The following ZNF726 variants were observed in gnomAD, a reference collection of about 807,000 sequenced individuals.
The protein encoded by ZNF726 is zinc finger protein 726.
A neutral mutation model predicts 11.6 loss-of-function variants in ZNF726; 15 were observed. The ratio of observed to expected loss-of-function variants is 1.29; its 90% CI spans 0.86 to 1.99. The LOEUF is 1.99. Among genes scored for constraint, ZNF726 ranks in the 30% most tolerant of loss-of-function variants. The pLI, the probability that ZNF726 is intolerant of heterozygous loss-of-function variation, is 0.00. For synonymous variants in ZNF726, 295 were observed against 243.6 expected (o/e 1.21, Z -1.96); for missense variants, 890 against 725.6 (o/e 1.23, Z -2.60).
chr19:23,923,919 G>A (rs1035067071), intron 3 of ZNF726: 1 of 152,166 alleles, frequency 6.6e-6, no homozygotes, highest in African/African-American at 2.4e-5. Context: ...TTAAGTTAAT[G>A]TGGAGTTTAA....
chr19:23,936,044 G>A (rs1276277799), downstream of ZNF726: 1 of 152,128 alleles, frequency 6.6e-6, no homozygotes, highest in Admixed American at 6.5e-5. Context: ...TTAAAATTTT[G>A]TTCAACATCA....
chr19:23,933,352 T>C lies in ZNF726; in HGVS notation c.1236T>C (p.Leu412=). Residue 412 remains leucine (L), a synonymous_variant, in exon 4 of 4, where the codon CTT becomes CTC. Transcript: ENST00000594466. ...AAGCTTTTCATCGATCCTCAAATCT[T>C]ACTAAACATAAGATAATTCATACTG... ...CGKAFHRSSN[L]TKHKIIHTGE... is the part of the protein sequence containing the mutation. 1.2e-6 allele frequency: 2 copies of C among 1,612,034 alleles called. No homozygotes were observed.
chr19:23,918,959 A>G (rs1967772475), intron 1 of ZNF726: 1 of 173,308 alleles, frequency 5.8e-6, no homozygotes, highest in South Asian at 1.3e-4. Context: ...CATTAACGAG[A>G]TGTCCAGTTT....
At chr19:23,916,117 A>AT (rs1427778920) in intron 1 of ZNF726, among the ~76,000 whole-genome samples, 1 of 151,950 alleles carries the variant, frequency 6.6e-6, no homozygotes, top group Non-Finnish European at 1.5e-5. Context: ...CAGGGGACTG[A>AT]TTTTTTCCCT....
intron 3 of ZNF726, among the ~76,000 whole-genome samples, chr19:23,926,816 G>T (rs1223464081): frequency 1.3e-5 from 2 of 151,902 alleles, no homozygotes; most frequent in African/African-American, 2.4e-5. Flanking sequence ...ATCTGTCTTT[G>T]TGTCAGTACC....
chr19:23,942,810 A>G (rs1028940800), intron 3 of ZNF726, among the ~76,000 whole-genome samples: 4 of 152,198 alleles, frequency 2.6e-5, no homozygotes, highest in Admixed American at 2.6e-4. Flanking sequence ...CATTTGCATG[A>G]AATGCCTTTT....
At chr19:23,925,625 G>C (rs1382540897) in intron 3 of ZNF726, among the ~76,000 whole-genome samples, 1 of 151,540 alleles carries the variant, frequency 6.6e-6, no homozygotes, top group African/African-American at 2.4e-5. Flanking sequence ...TTAGTTTTGA[G>C]TGTCCTTTCA....
chr19:23,924,813 C>T lies in ZNF726; in HGVS notation c.226+4731C>T, dbSNP rs555013643. Among the ~76,000 whole-genome samples the T allele has an allele frequency of 6.1e-4, 93 of 151,872 alleles. 1 individual carries two copies. Among genetic ancestry groups the T allele is most frequent in the African/African-American group, 4.3e-4 (18 of 41,416 alleles). ...GAGTTTGAGGGTCAGGATTACTTGA[C>T]GCTGGGAGTGTGAGGCTGCAGTGAG... On this transcript the variant is annotated intron_variant, in intron 3 of 3. Coordinates refer to ENST00000594466, the MANE Select transcript of ZNF726 (RefSeq NM_001244038.2).
chr19:23,932,617 T>C lies in ZNF726; in HGVS notation c.501T>C (p.His167=), dbSNP rs1968133756. 6.5e-7 allele frequency: 1 copy of C among 1,542,320 alleles called. No individual in the cohort carries two copies. The highest frequency in any genetic ancestry group is 1.4e-5 in the African/African-American group (1 of 71,430). ...ATTTAAACAGATATAAGATAAGACA[T>C]ACTAGAAAGAAACCTTTCAAATGTA... ...FINLNRYKIR[H]TRKKPFKCKN... The change falls in exon 4 of 4, where the codon CAT becomes CAC. Residue 167 remains histidine, a synonymous_variant. Transcript: ENST00000594466.
intron 3 of ZNF726, chr19:23,920,295 T>C: frequency 8.9e-6 from 3 of 337,602 alleles, no homozygotes; most frequent in South Asian, 5.6e-5. Flanking sequence ...ATGATCTTCC[T>C]TAACGTTTAC....
At chr19:23,931,206 T>G (rs1355295485) in intron 3 of ZNF726, among the ~76,000 whole-genome samples, 1 of 152,182 alleles carries the variant, frequency 6.6e-6, no homozygotes. Flanking sequence ...TCTCCTGACC[T>G]CATGATCCAC....
chr19:23,918,223 G>T (rs1010618399), intron 1 of ZNF726, among the ~76,000 whole-genome samples: 1 of 152,158 alleles, frequency 6.6e-6, no homozygotes, highest in African/African-American at 2.4e-5. Context: ...GAGTAAGGAA[G>T]TCTGGCCTTG....
At chr19:23,935,268 G>T (rs1029366088), downstream of ZNF726, 11 of 482,486 alleles carry the variant, frequency 2.3e-5, no homozygotes, top group Non-Finnish European at 4.6e-5. Context: ...TAAACATAAG[G>T]TAATTCATAC....
chr19:23,934,502 T>A, downstream of ZNF726: 1 of 376,906 alleles, frequency 2.7e-6, no homozygotes, highest in South Asian at 2.1e-5. Context: ...ATCTTTCTTT[T>A]TTTTCCATTG....
chr19:23,935,500 A>G, downstream of ZNF726: 2 of 445,936 alleles, frequency 4.5e-6, no homozygotes, highest in South Asian at 1.7e-5. Context: ...AAAGTCCTCA[A>G]TTCTTAACAG....
chr19:23,931,344 T>C (rs777134905), intron 3 of ZNF726, among the ~76,000 whole-genome samples: 19 of 152,210 alleles, frequency 1.2e-4, no homozygotes, highest in Non-Finnish European at 2.5e-4. Context: ...TTTCCTTTTG[T>C]ATTTTTTACC....
chr19:23,938,629 C>G (rs920613833), downstream of ZNF726, among the ~76,000 whole-genome samples: 6 of 118,632 alleles, frequency 5.1e-5, no homozygotes, highest in Admixed American at 4.1e-4. Context: ...TTTTTTTGAG[C>G]TGGAGTCTTG....
intron 3 of ZNF726, among the ~76,000 whole-genome samples, chr19:23,931,211 A>G (rs1968097159): frequency 6.6e-6 from 1 of 152,198 alleles, no homozygotes; most frequent in South Asian, 2.1e-4. Flanking sequence ...TGACCTCATG[A>G]TCCACCTGCC....
In ZNF726 at chr19:23,933,950, A is replaced by C; in HGVS notation, c.1834A>C (p.Lys612Gln). 6.3e-7 allele frequency: 1 copy of C among 1,579,112 alleles called. No individual in the cohort carries two copies. The highest frequency in any genetic ancestry group is 1.4e-5 in the African/African-American group (1 of 73,748). The change falls in exon 4 of 4, where the codon AAG becomes CAG. Residue 612 changes from lysine (K) to glutamine (Q), a missense_variant. By Grantham distance (53) the Lys-to-Gln change is moderately conservative. Coordinates refer to ENST00000594466, the MANE Select transcript of ZNF726 (RefSeq NM_001244038.2). ...FIWSSTLFKH[K>Q]RIHT The stretch of plus-strand genomic sequence containing the variant: ...CTGGTCCTCAACCCTTTTTAAGCAT[A>C]AGAGGATTCATACTTGAGAGAAACC...
Sources: allele counts gnomAD v4.1 joint callset (sites outside exome capture counted in the v4.1 genomes callset), GRCh38; gene constraint gnomAD v4.1.1; transcripts MANE v1.5; gene names NCBI Gene and HGNC (gene_info 2026-07-23, HGNC 2026-07-21).